AGBL4: variants seen among roughly 807,000 people sequenced by gnomAD.
The protein encoded by AGBL4 is cytosolic carboxypeptidase 6.
Under a neutral mutation model 66.4 loss-of-function variants are expected in AGBL4, and 58 were observed. The observed-to-expected ratio is 0.87, with a 90% confidence interval of 0.71 to 1.09. The LOEUF (loss-of-function observed/expected upper bound fraction) is 1.09, where lower values mean the gene tolerates loss of function less well. AGBL4 is among the 50% of genes least tolerant of loss of function. AGBL4 has a pLI of 0.00. For synonymous variants in AGBL4, 234 were observed against 222.9 expected (o/e 1.05, Z -0.44); for missense variants, 579 against 631.0 (o/e 0.92, Z 0.88).
intron 6 of AGBL4, among the ~76,000 whole-genome samples, chr1:48,797,523 C>A (rs1645713847): frequency 6.6e-6 from 1 of 152,182 alleles, no homozygotes; most frequent in Non-Finnish European, 1.5e-5. Flanking sequence ...TCTCCAGCTC[C>A]ATCCAGGTTG....
intron 4 of AGBL4, among the ~76,000 whole-genome samples, chr1:49,141,997 GT>G (rs1646127033): frequency 6.6e-6 from 1 of 152,114 alleles, no homozygotes; most frequent in African/African-American, 2.4e-5. Context: ...GCACGAGGTG[GT>G]GGGGGGGTGG....
intron 3 of AGBL4, among the ~76,000 whole-genome samples, chr1:49,388,508 A>C (rs1235331034): frequency 6.6e-6 from 1 of 152,182 alleles, no homozygotes; most frequent in South Asian, 2.1e-4. Context: ...TTACAAATGA[A>C]GAGAAGCAGA....
intron 6 of AGBL4, among the ~76,000 whole-genome samples, chr1:48,783,248 T>A (rs935058336): frequency 6.6e-6 from 1 of 152,172 alleles, no homozygotes; most frequent in African/African-American, 2.4e-5. Flanking sequence ...GTGGGCATTA[T>A]CCTGAGCTGT....
intron 2 of AGBL4, among the ~76,000 whole-genome samples, chr1:49,823,999 T>C (rs901150703): frequency 6.6e-6 from 1 of 151,976 alleles, no homozygotes; most frequent in Non-Finnish European, 1.5e-5. Context: ...TCACCTGAAG[T>C]TGGGAGTTCG....
chr1:48,750,603 A>C (rs1162145054), intron 6 of AGBL4, among the ~76,000 whole-genome samples: 1 of 152,186 alleles, frequency 6.6e-6, no homozygotes, highest in African/African-American at 2.4e-5. Flanking sequence ...TAAGGTGGCA[A>C]GGGGGGCTTA....
chr1:49,268,328 G>A (rs1319564090), intron 3 of AGBL4: 2 of 151,648 alleles, frequency 1.3e-5, no homozygotes, highest in Non-Finnish European at 2.9e-5. Flanking sequence ...GGTTTTCTCA[G>A]TGCTTCTGAA....
rs750256217 is a variant in AGBL4, at chr1:48,872,662, A to AAAAC, written c.595-5436_595-5433dup. ...GTTACAGAAAGCATTAAAAACAAAC[A>AAAAC]AAACAAACAAACAAACAAACAAACA... On this transcript the variant is annotated intron_variant, in intron 5 of 13. Coordinates refer to ENST00000371839, the MANE Select transcript of AGBL4 (RefSeq NM_032785.4). 2.2e-3 allele frequency among the ~76,000 whole-genome samples: 331 copies of AAAAC among 152,206 alleles called. 4 individuals are homozygous for AAAAC. The highest frequency in any genetic ancestry group is 5.9e-3 in the African/African-American group (244 of 41,522).
At chr1:49,891,434 T>C (rs188242035) in intron 1 of AGBL4, among the ~76,000 whole-genome samples, 2 of 152,270 alleles carry the variant, frequency 1.3e-5, no homozygotes, top group East Asian at 1.9e-4. Flanking sequence ...TTGTCACAAC[T>C]GTAGGAGGTG....
At chr1:49,240,103 T>C (rs1430971538) in intron 4 of AGBL4, among the ~76,000 whole-genome samples, 2 of 152,072 alleles carry the variant, frequency 1.3e-5, no homozygotes, top group Non-Finnish European at 2.9e-5. Context: ...ACACCACTAA[T>C]TTCAAAATTT....
chr1:49,519,865 G>A (rs1458115087), intron 3 of AGBL4, among the ~76,000 whole-genome samples: 1 of 152,124 alleles, frequency 6.6e-6, no homozygotes, highest in Non-Finnish European at 1.5e-5. Context: ...GGCATAGAGT[G>A]CTGTAGAACT....
At chr1:49,360,166 C>T (rs935924666) in intron 3 of AGBL4, among the ~76,000 whole-genome samples, 3 of 152,212 alleles carry the variant, frequency 2.0e-5, no homozygotes, top group South Asian at 2.1e-4. Flanking sequence ...TAAATCATTC[C>T]ATAAAGATCC....
chr1:48,620,020 C>G lies in AGBL4; in HGVS notation c.951+14473G>C, dbSNP rs541905061. On this transcript the variant is annotated intron_variant, in intron 9 of 13. Coordinates refer to ENST00000371839, the MANE Select transcript of AGBL4 (RefSeq NM_032785.4). Reference sequence around the variant, plus strand: ...CCCAAAACACACATGCACACATACCCAAACTCTCGGAATGAAGGAAATCGG... The same window carrying G: ...CCCAAAACACACATGCACACATACCGAAACTCTCGGAATGAAGGAAATCGG... Among the ~76,000 whole-genome samples, 9 of 152,260 alleles carry G rather than the reference C, an allele frequency of 5.9e-5. No homozygotes were observed. In the South Asian group the frequency reaches 1.9e-3, roughly 32 times the overall value.
chr1:49,706,072 T>A (rs1311655497), intron 2 of AGBL4, among the ~76,000 whole-genome samples: 1 of 152,186 alleles, frequency 6.6e-6, no homozygotes, highest in Non-Finnish European at 1.5e-5. Flanking sequence ...TAAAATGAAT[T>A]GCAGAGGAGT....
rs558227666 is a variant in AGBL4 at position 49,568,747 on chromosome 1, G to C, written c.282+128566C>G. Among the ~76,000 whole-genome samples the C allele has an allele frequency of 2.0e-5, 3 of 152,260 alleles. No individual in the cohort carries two copies. In the South Asian group the frequency reaches 6.2e-4, roughly 32 times the overall value. ...CAAAGCTGGAGGCATCATGCTACCT[G>C]ACCTCAAACTATACTGCAGGGCTAC... On this transcript the variant is annotated intron_variant, in intron 3 of 13. Coordinates refer to ENST00000371839, the MANE Select transcript of AGBL4 (RefSeq NM_032785.4).
At chr1:49,553,286 C>G (rs536216336) in intron 3 of AGBL4, among the ~76,000 whole-genome samples, 1 of 152,298 alleles carries the variant, frequency 6.6e-6, no homozygotes, top group Admixed American at 6.5e-5. Context: ...CTTTACTACT[C>G]TCTATTCCTA....
intron 4 of AGBL4, among the ~76,000 whole-genome samples, chr1:49,141,759 A>G (rs1042181655): frequency 2.6e-5 from 4 of 152,206 alleles, no homozygotes; most frequent in Non-Finnish European, 4.4e-5. Context: ...ATAAGAAGTC[A>G]CTGGAAATAG....
At position 49,564,444 on chromosome 1, in the gene AGBL4, A is replaced by G. The variant is rs187149074; in HGVS notation, c.282+132869T>C. 1.7e-3 allele frequency among the ~76,000 whole-genome samples: 261 copies of G among 152,168 alleles called. 2 individuals are homozygous for G. The highest frequency in any genetic ancestry group is 6.1e-3 in the African/African-American group (252 of 41,510). The stretch of plus-strand genomic sequence containing the variant: ...TTCCTGCTTTCTCTTGTAGGCATTT[A>G]GTGCTATAAATTTCCCTCTACACAC... On this transcript the variant is annotated intron_variant, in intron 3 of 13. Transcript: ENST00000371839.
intron 9 of AGBL4, among the ~76,000 whole-genome samples, chr1:48,591,877 G>A (rs1471489517): frequency 6.6e-6 from 1 of 152,200 alleles, no homozygotes; most frequent in Non-Finnish European, 1.5e-5. Context: ...CTGAAGGTAG[G>A]AGGATTGTCT....
chr1:49,148,436 G>C (rs1224960217), intron 4 of AGBL4, among the ~76,000 whole-genome samples: 1 of 152,148 alleles, frequency 6.6e-6, no homozygotes, highest in Non-Finnish European at 1.5e-5. Flanking sequence ...TAATTCTGAG[G>C]GGGAGGTGGG....
Sources: allele counts gnomAD v4.1 joint callset (sites outside exome capture counted in the v4.1 genomes callset), GRCh38; gene constraint gnomAD v4.1.1; transcripts MANE v1.5; gene names NCBI Gene and HGNC (gene_info 2026-07-23, HGNC 2026-07-21).